Variants in MTFMT observed in about 807,000 individuals in gnomAD.
MTFMT encodes the protein methionyl-tRNA formyltransferase, mitochondrial.
MTFMT carries 47 observed loss-of-function variants against 51.8 expected under a neutral mutation model. The observed-to-expected ratio is 0.91, with a 90% confidence interval of 0.72 to 1.16. MTFMT has a LOEUF of 1.16. MTFMT is among the 50% of genes most tolerant of loss of function. The probability of loss-of-function intolerance (pLI) is 0.00; values close to 1 mark genes in which losing one functional copy is unlikely to be tolerated. For synonymous variants in MTFMT, 196 were observed against 176.7 expected, an observed-to-expected ratio of 1.11 and a Z score of -0.87; for missense variants, 512 against 482.3, an observed-to-expected ratio of 1.06 and a Z score of -0.58.
chr15:65,014,050 G>A (rs1176411607), intron 6 of MTFMT, among the ~76,000 whole-genome samples: 1 of 151,990 alleles, frequency 6.6e-6, no homozygotes, highest in African/African-American at 2.4e-5. Flanking sequence ...CTAACTCTGT[G>A]GAGGACTTGT....
intron 5 of MTFMT, among the ~76,000 whole-genome samples, chr15:65,018,533 C>A (rs1279506642): frequency 6.6e-6 from 1 of 152,118 alleles, no homozygotes. Flanking sequence ...TCCACTGATA[C>A]CTTATCTTGC....
At chr15:65,023,398 G>A (rs2086392301) in intron 3 of MTFMT, among the ~76,000 whole-genome samples, 1 of 152,076 alleles carries the variant, frequency 6.6e-6, no homozygotes, top group South Asian at 2.1e-4. Context: ...TTTATACAAT[G>A]TATTTTATAG....
intron 8 of MTFMT, 128 bp from the exon 9 acceptor site, chr15:65,003,384 G>T (rs2086193451): frequency 1.4e-6 from 1 of 690,240 alleles, no homozygotes; most frequent in Non-Finnish European, 2.5e-6. Context: ...ATGCCTAGCT[G>T]CAAACAGCAC....
At chr15:65,026,767 T>C (rs935518305) in intron 2 of MTFMT, 64 bp downstream of exon 2, 1 of 1,224,340 alleles carries the variant, frequency 8.2e-7, no homozygotes, top group Admixed American at 2.2e-5. Flanking sequence ...TCACATTTTA[T>C]ATACAAGGTC....
chr15:65,006,799 GA>G (rs2086223467), intron 6 of MTFMT, among the ~76,000 whole-genome samples: 1 of 152,092 alleles, frequency 6.6e-6, no homozygotes. Flanking sequence ...AAAAATTTTA[GA>G]AAGTGATATT....
At chr15:65,022,663 G>A (rs1309604091) in intron 3 of MTFMT, among the ~76,000 whole-genome samples, 3 of 151,472 alleles carry the variant, frequency 2.0e-5, no homozygotes, top group Non-Finnish European at 2.9e-5. Flanking sequence ...TCACAAAAAC[G>A]GAGTGAACAG....
chr15:65,007,706 C>T (rs1017890057), intron 6 of MTFMT, among the ~76,000 whole-genome samples: 1 of 152,136 alleles, frequency 6.6e-6, no homozygotes, highest in Non-Finnish European at 1.5e-5. Flanking sequence ...GAGAAGCTGT[C>T]CATATATTTA....
At chr15:65,013,040 G>GT (rs918507217) in intron 6 of MTFMT, among the ~76,000 whole-genome samples, 28 of 151,838 alleles carry the variant, frequency 1.8e-4, no homozygotes, top group South Asian at 2.1e-4. Flanking sequence ...AGCTCTAATA[G>GT]TTTTTTTTGG....
intron 2 of MTFMT, among the ~76,000 whole-genome samples, chr15:65,025,777 A>C (rs2086417775): frequency 6.6e-6 from 1 of 152,172 alleles, no homozygotes; most frequent in Non-Finnish European, 1.5e-5. Flanking sequence ...AGTAGGTATT[A>C]GGGGACTAGA....
In MTFMT at chr15:65,005,203, T is replaced by C. The variant is rs555881816; in HGVS notation, c.893-267A>G. ...ACCTAAAATGCTGAATCTACAAGTT[T>C]TGTGTTAGCGCTTTGGTGAAATAAC... On this transcript the variant is annotated intron_variant, in intron 7 of 8. Coordinates refer to ENST00000220058, the MANE Select transcript of MTFMT (RefSeq NM_139242.4). Among the ~76,000 whole-genome samples the C allele has an allele frequency of 3.3e-5, 5 of 152,318 alleles. No homozygotes were observed. In the East Asian group the frequency reaches 9.6e-4, roughly 29 times the overall value.
Position 65,003,023 on chromosome 15 carries a change from T to C in MTFMT, c.*39A>G. ...CTTGTAAATAAGGTTTTTAATAAATTACAAATATGTAATAGGTTTTTATCC... is the reference window on the plus strand; with the variant it reads ...CTTGTAAATAAGGTTTTTAATAAATCACAAATATGTAATAGGTTTTTATCC... On this transcript the variant is annotated 3_prime_UTR_variant, in exon 9 of 9. Coordinates refer to ENST00000220058, the MANE Select transcript of MTFMT (RefSeq NM_139242.4). 4 of 1,225,462 alleles carry C rather than the reference T, an allele frequency of 3.3e-6. No individual in the cohort carries two copies. Among genetic ancestry groups the C allele is most frequent in the Non-Finnish European group, 4.4e-6 (4 of 913,498 alleles). 75.9% of individuals were successfully genotyped at this position (1,225,462 alleles called of 1,614,324 possible).
At chr15:65,023,901 G>A in intron 2 of MTFMT, 107 bp from the exon 3 acceptor site, 10 of 1,011,072 alleles carry the variant, frequency 9.9e-6, no homozygotes, top group Non-Finnish European at 1.4e-5. Context: ...CCAGAAATTT[G>A]GAAAAACTGA....
chr15:65,004,414 G>T (rs1195385848), intron 8 of MTFMT, among the ~76,000 whole-genome samples: 2 of 152,136 alleles, frequency 1.3e-5, no homozygotes, highest in Non-Finnish European at 2.9e-5. Context: ...AACACACCAT[G>T]ATCTTATAAA....
chr15:65,029,605 C>T lies in MTFMT; in HGVS notation c.9G>A (p.Val3=), dbSNP rs994088488. ...GAGGACCCCAACAGCGCCGCACCAA[C>T]ACCCTCATCGCCTCGGCCGCCGGCG... is the stretch of plus-strand genomic sequence containing the variant. MR[V]LVRRCWGPPL... is the part of the protein sequence containing the mutation. The change falls in exon 1 of 9, where the codon GTG becomes GTA. Residue 3 remains valine (V), a synonymous_variant. Coordinates refer to ENST00000220058, the MANE Select transcript of MTFMT (RefSeq NM_139242.4). 1.1e-5 allele frequency: 15 copies of T among 1,423,100 alleles called. No homozygotes were observed. The Admixed American group carries it at 2.2e-4, about 21-fold the overall frequency. 88.2% of individuals were successfully genotyped at this position (1,423,100 alleles called of 1,614,324 possible). A position where few individuals can be genotyped will look rare whatever the true frequency, so the allele number is the denominator to read the frequency against.
Position 65,023,674 on chromosome 15 carries a change from T to C in MTFMT, c.540A>G (p.Lys180=). 2 of 1,612,968 alleles carry C rather than the reference T, an allele frequency of 1.2e-6. No homozygotes were observed. The highest frequency in any genetic ancestry group is 1.7e-6 in the Non-Finnish European group (2 of 1,179,274). The change falls in exon 3 of 9, where the codon AAA becomes AAG. Residue 180 remains lysine (K), a splice_region_variant and synonymous_variant. Transcript: ENST00000220058. ...TGVTIMQIRP[K]RFDVGPILKQ... ...CAAGAAAGGAAAATATGTGCTACCTTTTAGGTCTAATTTGCATAATTGTTA... is the reference window on the plus strand; with the variant it reads ...CAAGAAAGGAAAATATGTGCTACCTCTTAGGTCTAATTTGCATAATTGTTA...
intron 8 of MTFMT, among the ~76,000 whole-genome samples, chr15:65,004,192 C>T (rs921584498): frequency 1.3e-5 from 2 of 151,852 alleles, no homozygotes; most frequent in East Asian, 1.9e-4. Flanking sequence ...AATTTTTGTA[C>T]TGTTAGTAAA....
intron 4 of MTFMT, 102 bp downstream of exon 4, chr15:65,021,406 TTTTTTG>T (rs1338330647): frequency 2.6e-6 from 2 of 775,056 alleles, no homozygotes; most frequent in Non-Finnish European, 4.3e-6. Context: ...GAAATTACTC[TTTTTTG>T]TTTTTAAGAA....
At chr15:65,016,310 C>T in intron 6 of MTFMT, 126 bp downstream of exon 6, 1 of 594,584 alleles carries the variant, frequency 1.7e-6, no homozygotes, top group Non-Finnish European at 3.0e-6. Flanking sequence ...AGGTTTTGTT[C>T]CTAAGATCAA....
chr15:65,016,313 A>G (rs2086321824), intron 6 of MTFMT, 123 bp downstream of exon 6: 1 of 609,406 alleles, frequency 1.6e-6, no homozygotes, highest in African/African-American at 1.9e-5. Context: ...TTTTGTTCCT[A>G]AGATCAACCT....
Sources: allele counts gnomAD v4.1 joint callset (sites outside exome capture counted in the v4.1 genomes callset), GRCh38; gene constraint gnomAD v4.1.1; transcripts MANE v1.5; gene names NCBI Gene and HGNC (gene_info 2026-07-23, HGNC 2026-07-21).